MYO3B: variants seen among roughly 807,000 people sequenced by gnomAD.
MYO3B encodes the protein myosin IIIB.
Under a neutral mutation model 174.6 loss-of-function variants are expected in MYO3B, and 156 were observed. The observed-to-expected ratio is 0.89, with a 90% CI of 0.78 to 1.02. The LOEUF (loss-of-function observed/expected upper bound fraction) is 1.02. MYO3B is among the 50% of genes least tolerant of loss of function. The pLI, the probability that MYO3B is intolerant of heterozygous loss-of-function variation, is 0.00. For synonymous variants in MYO3B, 563 were observed against 569.1 expected, an observed-to-expected ratio of 0.99 and a Z score of 0.15; for missense variants, 1,632 against 1,639.4, an observed-to-expected ratio of 1.00 and a Z score of 0.08.
At chr2:170,216,758 A>C (rs1448586881) in intron 5 of MYO3B, among the ~76,000 whole-genome samples, 1 of 152,232 alleles carries the variant, frequency 6.6e-6, no homozygotes, top group African/African-American at 2.4e-5. Flanking sequence ...CCATAAAATG[A>C]AGCCCCTTAT....
At chr2:170,402,641 A>C (rs1259140502) in intron 18 of MYO3B, among the ~76,000 whole-genome samples, 1 of 152,210 alleles carries the variant, frequency 6.6e-6, no homozygotes, top group African/African-American at 2.4e-5. Flanking sequence ...TTGAAAAAAA[A>C]AAGAAGTTGA....
intron 32 of MYO3B, among the ~76,000 whole-genome samples, chr2:170,597,471 A>C (rs530549717): frequency 6.6e-6 from 1 of 152,014 alleles, no homozygotes; most frequent in Non-Finnish European, 1.5e-5. Context: ...GAACAACAGC[A>C]GCAAGGCCTG....
At chr2:170,484,163 A>G (rs1685879877) in intron 25 of MYO3B, among the ~76,000 whole-genome samples, 1 of 152,222 alleles carries the variant, frequency 6.6e-6, no homozygotes, top group African/African-American at 2.4e-5. Context: ...GGTGGGCTTC[A>G]TGCTAGGGTT....
intron 22 of MYO3B, among the ~76,000 whole-genome samples, chr2:170,419,542 A>G (rs1286219321): frequency 6.6e-6 from 1 of 152,220 alleles, no homozygotes; most frequent in African/African-American, 2.4e-5. Context: ...GGGCTCCAAC[A>G]TGGGAATTAT....
chr2:170,319,315 T>C (rs918037640), intron 7 of MYO3B, among the ~76,000 whole-genome samples: 1 of 152,228 alleles, frequency 6.6e-6, no homozygotes, highest in African/African-American at 2.4e-5. Flanking sequence ...TCCAGAGCTA[T>C]GTTCTTTTTC....
At chr2:170,633,905 A>T (rs1456978615) in intron 32 of MYO3B, among the ~76,000 whole-genome samples, 2 of 152,342 alleles carry the variant, frequency 1.3e-5, no homozygotes, top group African/African-American at 4.8e-5. Flanking sequence ...AATGCAACTT[A>T]CAAGGGTTGT....
intron 23 of MYO3B, among the ~76,000 whole-genome samples, chr2:170,461,013 A>G (rs2105952283): frequency 6.6e-6 from 1 of 152,300 alleles, no homozygotes; most frequent in South Asian, 2.1e-4. Context: ...GAGGGAGGGT[A>G]ATAGGTCAAT....
intron 32 of MYO3B, among the ~76,000 whole-genome samples, chr2:170,619,877 G>A (rs990806899): frequency 6.7e-6 from 1 of 149,968 alleles, no homozygotes; most frequent in Non-Finnish European, 1.5e-5. Context: ...CTCCTGAGTA[G>A]CTGGGATTAC....
chr2:170,224,955 T>TA (rs1365486238), intron 6 of MYO3B, among the ~76,000 whole-genome samples: 1 of 152,216 alleles, frequency 6.6e-6, no homozygotes, highest in Non-Finnish European at 1.5e-5. Flanking sequence ...TAGTAAATGA[T>TA]ACGATAATGC....
chr2:170,451,945 G>C (rs550858582), intron 23 of MYO3B, among the ~76,000 whole-genome samples: 1 of 152,306 alleles, frequency 6.6e-6, no homozygotes, highest in African/African-American at 2.4e-5. Context: ...CGCTTTTACT[G>C]TGCATTTTAT....
chr2:170,635,952 TTTAAG>T (rs1697428962), intron 32 of MYO3B, among the ~76,000 whole-genome samples: 1 of 152,230 alleles, frequency 6.6e-6, no homozygotes, highest in Admixed American at 6.5e-5. Flanking sequence ...TTTAGAATTA[TTTAAG>T]TTGTGTCAAA....
At chr2:170,515,157 C>A (rs1226851490) in intron 29 of MYO3B, 135 bp downstream of exon 29, 2 of 709,822 alleles carry the variant, frequency 2.8e-6, no homozygotes, top group African/African-American at 3.6e-5. Context: ...TAGGTGACAG[C>A]CAATTAAATT....
chr2:170,512,351 A>G (rs1688037394), intron 28 of MYO3B, among the ~76,000 whole-genome samples: 1 of 152,246 alleles, frequency 6.6e-6, no homozygotes, highest in Non-Finnish European at 1.5e-5. Flanking sequence ...ATATTCTGAT[A>G]AGATGGCTGA....
intron 32 of MYO3B, among the ~76,000 whole-genome samples, chr2:170,626,495 C>G (rs1463709041): frequency 6.6e-6 from 1 of 152,194 alleles, no homozygotes; most frequent in African/African-American, 2.4e-5. Context: ...TGGGTCTTGA[C>G]TTTTCATCCA....
intron 32 of MYO3B, among the ~76,000 whole-genome samples, chr2:170,608,162 T>G (rs944386491): frequency 8.5e-5 from 13 of 152,170 alleles, no homozygotes; most frequent in African/African-American, 3.1e-4. Context: ...GAGCCAAGAT[T>G]GGGCCACTGC....
chr2:170,600,277 A>G (rs1416463017), intron 32 of MYO3B, among the ~76,000 whole-genome samples: 2 of 152,232 alleles, frequency 1.3e-5, no homozygotes, highest in African/African-American at 4.8e-5. Flanking sequence ...CCATCACAAA[A>G]GCACGTAAAA....
chr2:170,589,625 C>T (rs1409858556), intron 32 of MYO3B, among the ~76,000 whole-genome samples: 2 of 152,108 alleles, frequency 1.3e-5, no homozygotes, highest in Non-Finnish European at 2.9e-5. Context: ...TGTTTTTGTA[C>T]AGCTGCACAA....
At chr2:170,538,542 TCTCAGCAGCCAGCTA>T (rs1265723823) in intron 30 of MYO3B, among the ~76,000 whole-genome samples, 1 of 152,206 alleles carries the variant, frequency 6.6e-6, no homozygotes, top group African/African-American at 2.4e-5. Flanking sequence ...TGCTGGGTAT[TCTCAGCAGCCAGCTA>T]CTCAGGAGCC....
At chr2:170,650,318 T>C (rs554518624) in intron 32 of MYO3B, among the ~76,000 whole-genome samples, 1 of 152,210 alleles carries the variant, frequency 6.6e-6, no homozygotes, top group East Asian at 1.9e-4. Context: ...AACTTTATAC[T>C]TAGGGAACAA....
Sources: gnomAD v4.1 joint callset for allele counts (sites outside exome capture counted in the v4.1 genomes callset) on GRCh38, gnomAD v4.1.1 for gene constraint, MANE v1.5 for transcripts, NCBI Gene and HGNC (gene_info 2026-07-23, HGNC 2026-07-21) for gene names.